Variants in POLQ observed in about 807,000 individuals in gnomAD.
The protein encoded by POLQ is DNA polymerase theta.
Under a neutral mutation model 259.2 loss-of-function variants are expected in POLQ, and 233 were observed. That is an observed-to-expected ratio of 0.90 (90% CI 0.81 to 1.00). POLQ has a LOEUF of 1.00. Among genes scored for constraint, POLQ ranks in the 50% least tolerant of loss-of-function variants. The pLI is 0.00. For missense variants in POLQ, 2,871 were observed against 3,051.6 expected, an observed-to-expected ratio of 0.94 and a Z score of 1.39; for synonymous variants, 1,025 against 1,048.8, an observed-to-expected ratio of 0.98 and a Z score of 0.44.
intron 7 of POLQ, among the ~76,000 whole-genome samples, chr3:121,527,938 C>A (rs947755987): frequency 6.6e-6 from 1 of 152,164 alleles, no homozygotes; most frequent in East Asian, 1.9e-4. Flanking sequence ...TGCATACTTA[C>A]AACACGTGAG....
rs766960729 is a variant in POLQ at position 121,488,895 on chromosome 3, C to T, written c.4036G>A (p.Asp1346Asn). Residue 1346 changes from aspartate (D) to asparagine (N), a missense_variant, in exon 16 of 30, where the codon GAC becomes AAC. Transcript: ENST00000264233. ...ATTATCCCTGCTGCCAGGTTGGTGT[C>T]CTTTGCTCCTAGTTTGGCATTTTCA... ...ATENAKLGAK[D>N]TNLAAGIMQK... is the part of the protein sequence containing the mutation. The T allele has an allele frequency of 3.7e-6, 6 of 1,614,138 alleles. No individual in the cohort carries two copies. The highest frequency in any genetic ancestry group is 4.2e-6 in the Non-Finnish European group (5 of 1,180,004).
At chr3:121,541,320 A>G (rs753410226) in intron 3 of POLQ, 29 bp downstream of exon 3, 5 of 1,531,392 alleles carry the variant, frequency 3.3e-6, no homozygotes, top group Non-Finnish European at 4.4e-6. Flanking sequence ...TGAGCCTTTC[A>G]CTATTTCAAA....
chr3:121,495,321 G>C (rs1318939028), intron 14 of POLQ, among the ~76,000 whole-genome samples: 1 of 151,760 alleles, frequency 6.6e-6, no homozygotes, highest in Admixed American at 6.6e-5. Flanking sequence ...AACAAGAGTT[G>C]GTTTAAATAT....
At chr3:121,452,296 A>G in intron 25 of POLQ, among the ~76,000 whole-genome samples, 1 of 152,056 alleles carries the variant, frequency 6.6e-6, no homozygotes, top group East Asian at 1.9e-4. Context: ...CCACTGTCCA[A>G]CAAGCCCCAG....
chr3:121,453,067 G>C (rs985590150), intron 25 of POLQ, among the ~76,000 whole-genome samples: 1 of 152,218 alleles, frequency 6.6e-6, no homozygotes, highest in Admixed American at 6.5e-5. Flanking sequence ...TCAGACAGCA[G>C]CATTCGCAGT....
intron 25 of POLQ, among the ~76,000 whole-genome samples, chr3:121,454,876 G>A (rs572470491): frequency 2.6e-5 from 4 of 152,108 alleles, no homozygotes; most frequent in African/African-American, 9.7e-5. Context: ...TCTGCACCAA[G>A]CAGATCTAAT....
rs200648681 is a variant in POLQ, at chr3:121,465,739, T to A, written c.6967+1780A>T. Reference sequence around the variant, plus strand: ...CTCATGTAAGAGTGAACTTCATTGATCAATTTTGTGTGTGTTCTAACTACT... The same window carrying A: ...CTCATGTAAGAGTGAACTTCATTGAACAATTTTGTGTGTGTTCTAACTACT... On this transcript the variant is annotated intron_variant, in intron 24 of 29. Coordinates refer to ENST00000264233, the MANE Select transcript of POLQ (RefSeq NM_199420.4). Among the ~76,000 whole-genome samples, 19 of 152,322 alleles carry A rather than the reference T, an allele frequency of 1.2e-4. No individual in the cohort carries two copies. In the East Asian group the frequency reaches 3.7e-3, roughly 29 times the overall value.
At chr3:121,455,944 G>A (rs1311211901) in intron 25 of POLQ, among the ~76,000 whole-genome samples, 4 of 152,134 alleles carry the variant, frequency 2.6e-5, no homozygotes, top group Non-Finnish European at 5.9e-5. Flanking sequence ...GAGAATTTTA[G>A]TCCAAAGTCC....
At chr3:121,441,555 G>A (rs1328964915) in intron 26 of POLQ, among the ~76,000 whole-genome samples, 1 of 152,130 alleles carries the variant, frequency 6.6e-6, no homozygotes, top group Non-Finnish European at 1.5e-5. Context: ...ATATTGTACT[G>A]AATATCAATA....
At chr3:121,485,865 T>C (rs1385566322) in intron 16 of POLQ, among the ~76,000 whole-genome samples, 2 of 152,236 alleles carry the variant, frequency 1.3e-5, no homozygotes, top group Admixed American at 1.3e-4. Context: ...CACATCTGCT[T>C]CATGAATTGA....
chr3:121,432,118 C>A lies in POLQ; in HGVS notation c.*186G>T. 2.1e-6 allele frequency: 1 copy of A among 471,890 alleles called. No homozygotes were observed. Among genetic ancestry groups the A allele is most frequent in the Non-Finnish European group, 3.6e-6 (1 of 274,502 alleles). The allele number at this position is 471,890 out of a possible 1,614,324, so 29.2% of individuals were successfully genotyped here. A position where few individuals can be genotyped will look rare whatever the true frequency, so the allele number is the denominator to read the frequency against. On this transcript the variant is annotated 3_prime_UTR_variant, in exon 30 of 30. Transcript: ENST00000264233. ...ACTTGGTATTCTACTTCCCCCACGC[C>A]CCCAGAAGTTTTTGATGCTATAGAC...
In POLQ at chr3:121,489,037, A is replaced by G. The variant is rs762192385; in HGVS notation, c.3894T>C (p.Tyr1298=). ...GATTATTTTTAGTTTTGTTTGTTGT[A>G]TAAGTACCTGTTTTTTCTTGTAGTC... ...ISRLQEKTGT[Y]TTNKTKNNHV... The change falls in exon 16 of 30, where the codon TAT becomes TAC. Residue 1298 remains tyrosine, a synonymous_variant. Coordinates refer to ENST00000264233, the MANE Select transcript of POLQ (RefSeq NM_199420.4). 3.1e-6 allele frequency: 5 copies of G among 1,613,256 alleles called. No homozygotes were observed. In the Admixed American group the frequency reaches 6.7e-5, roughly 22 times the overall value.
At position 121,488,212 on chromosome 3, in the gene POLQ, C is replaced by T. The variant is rs1419180790; in HGVS notation, c.4719G>A (p.Val1573=). 1 of 1,613,250 alleles carries T rather than the reference C, an allele frequency of 6.2e-7. No homozygotes were observed. The highest frequency in any genetic ancestry group is 8.5e-7 in the Non-Finnish European group (1 of 1,179,770). The change falls in exon 16 of 30, where the codon GTG becomes GTA. Residue 1573 remains valine, a synonymous_variant. Coordinates refer to ENST00000264233, the MANE Select transcript of POLQ (RefSeq NM_199420.4). ...TCTTCTCTTGGACAGGAAATATATC[C>T]ACATTGTCCAAAGCTTCAACCATCT... The part of the protein sequence containing the change: ...SVQMVEALDN[V]DIFPVQEKNH...
At position 121,488,557 on chromosome 3, in the gene POLQ, A is replaced by T; in HGVS notation, c.4374T>A (p.Val1458=). The T allele has an allele frequency of 6.2e-7, 1 of 1,611,916 alleles. No individual in the cohort carries two copies. Residue 1458 remains valine (V), a synonymous_variant, in exon 16 of 30, where the codon GTT becomes GTA. Coordinates refer to ENST00000264233, the MANE Select transcript of POLQ (RefSeq NM_199420.4). The stretch of plus-strand genomic sequence containing the variant: ...TTCTCTTTTGAGGAATCAGAAGTAT[A>T]ACTGGTTTCACAGTTTCTTGTGTTT... ...GYQTQETVKP[V]ILLIPQKRTP...
In POLQ at chr3:121,515,016, GC is replaced by G. The variant is rs200330599; in HGVS notation, c.1469-2988del. The stretch of plus-strand genomic sequence containing the variant: ...TGCTCAAGCTCAGCCTCAAGGACCT[GC>G]CCCAGGTGGAAGATGCCTATCATAC... On this transcript the variant is annotated intron_variant, in intron 9 of 29. Transcript: ENST00000264233. 6.6e-5 allele frequency among the ~76,000 whole-genome samples: 10 copies of G among 152,272 alleles called. No individual in the cohort carries two copies. In the East Asian group the frequency reaches 1.9e-3, roughly 29 times the overall value.
Position 121,545,526 on chromosome 3 carries a change from G to T in POLQ, c.163+189C>A, listed in dbSNP as rs1431415362. Among the ~76,000 whole-genome samples, 3 of 152,158 alleles carry T rather than the reference G, an allele frequency of 2.0e-5. No homozygotes were observed. The East Asian group carries it at 5.8e-4, about 29-fold the overall frequency. ...AGCCACGTGAACATTAATACCAGGC[G>T]ATCACTGAAAACACGCGTATGTCTG... On this transcript the variant is annotated intron_variant, in intron 1 of 29. Coordinates refer to ENST00000264233, the MANE Select transcript of POLQ (RefSeq NM_199420.4).
In POLQ at chr3:121,489,055, T is replaced by C. The variant is rs2048040054; in HGVS notation, c.3876A>G (p.Gln1292=). ...TTGTTGTATAAGTACCTGTTTTTTC[T>C]TGTAGTCTAGAAATATTTAGAAAAT... ...HENFLNISRL[Q]EKTGTYTTNK... is the part of the protein sequence containing the mutation. The change falls in exon 16 of 30, where the codon CAA becomes CAG. Residue 1292 remains glutamine (Q), a synonymous_variant. Coordinates refer to ENST00000264233, the MANE Select transcript of POLQ (RefSeq NM_199420.4). The C allele has an allele frequency of 1.2e-6, 2 of 1,613,352 alleles. No individual in the cohort carries two copies. The highest frequency in any genetic ancestry group is 1.7e-6 in the Non-Finnish European group (2 of 1,179,542).
At chr3:121,449,230 T>G (rs1435621442) in intron 26 of POLQ, 85 bp downstream of exon 26, 1 of 718,282 alleles carries the variant, frequency 1.4e-6, no homozygotes. Context: ...AATTGATATT[T>G]CAAAAGAAAA....
rs1225678006 is a variant in POLQ at position 121,489,623 on chromosome 3, A to G, written c.3308T>C (p.Leu1103Ser). The change falls in exon 16 of 30, where the codon TTG becomes TCG. Residue 1103 changes from leucine (L) to serine (S), a missense_variant. Leu to Ser is a moderately radical substitution (Grantham distance 145, BLOSUM62 -2). This residue lies in a region of POLQ where 2,080 missense variants were observed against 2,126.0 expected (regional missense o/e 0.98). Coordinates refer to ENST00000264233, the MANE Select transcript of POLQ (RefSeq NM_199420.4). The part of the protein sequence containing the change: ...NSGPFAKNVS[L>S]SGKEKDNKTS... The stretch of plus-strand genomic sequence containing the variant: ...TTTATTATCTTTTTCCTTACCACTC[A>G]AAGATACATTTTTAGCAAATGGCCC... 1.9e-6 allele frequency: 3 copies of G among 1,613,874 alleles called. No individual in the cohort carries two copies. The African/African-American group carries it at 4.0e-5, about 22-fold the overall frequency.
Sources: allele counts gnomAD v4.1 joint callset (sites outside exome capture counted in the v4.1 genomes callset), GRCh38; gene constraint gnomAD v4.1.1; regional missense constraint gnomAD v4.1.1; transcripts MANE v1.5; gene names NCBI Gene and HGNC (gene_info 2026-07-23, HGNC 2026-07-21).